The following SYNDIG1 variants were observed in gnomAD, a reference collection of about 807,000 sequenced individuals.
The protein encoded by SYNDIG1 is synapse differentiation-inducing gene protein 1.
In SYNDIG1, 9 loss-of-function variants were observed where a neutral mutation model predicts 19.4. That is an observed-to-expected ratio of 0.46 (90% CI 0.28 to 0.81). SYNDIG1 has a LOEUF of 0.81. SYNDIG1 is among the 30% of genes least tolerant of loss of function. SYNDIG1 has a pLI of 0.12. For missense variants in SYNDIG1, 311 were observed against 343.3 expected (o/e 0.91, Z 0.74); for synonymous variants, 141 against 145.9 (o/e 0.97, Z 0.24).
intron 3 of SYNDIG1, among the ~76,000 whole-genome samples, chr20:24,645,189 G>A (rs1029047955): frequency 6.6e-6 from 1 of 152,218 alleles, no homozygotes; most frequent in Non-Finnish European, 1.5e-5. Flanking sequence ...TCTCCTGGTG[G>A]TGAAGTGAGC....
intron 3 of SYNDIG1, among the ~76,000 whole-genome samples, chr20:24,631,040 G>A (rs922805361): frequency 6.6e-6 from 1 of 152,232 alleles, no homozygotes; most frequent in African/African-American, 2.4e-5. Flanking sequence ...GACACCCTTG[G>A]ATTGCCCACA....
intron 1 of SYNDIG1, among the ~76,000 whole-genome samples, chr20:24,504,719 T>C (rs928800228): frequency 2.6e-5 from 4 of 151,812 alleles, no homozygotes; most frequent in African/African-American, 9.7e-5. Flanking sequence ...ACATAGAGAG[T>C]TGGGAGATGT....
chr20:24,501,211 G>T (rs2056446757), intron 1 of SYNDIG1, among the ~76,000 whole-genome samples: 1 of 152,034 alleles, frequency 6.6e-6, no homozygotes, highest in African/African-American at 2.4e-5. Flanking sequence ...TACATATGTA[G>T]GGTGTGCTTT....
At chr20:24,588,233 G>A (rs376936912) in intron 3 of SYNDIG1, among the ~76,000 whole-genome samples, 2 of 152,200 alleles carry the variant, frequency 1.3e-5, no homozygotes, top group South Asian at 4.1e-4. Flanking sequence ...GCTGCTGGTC[G>A]TGCCCTGCTG....
intron 2 of SYNDIG1, among the ~76,000 whole-genome samples, chr20:24,549,751 T>C (rs547679058): frequency 1.3e-4 from 20 of 152,322 alleles, no homozygotes; most frequent in African/African-American, 4.1e-4. Context: ...TCAGGTCACA[T>C]ACGGGCTTGA....
intron 1 of SYNDIG1, among the ~76,000 whole-genome samples, chr20:24,487,821 A>G (rs949048705): frequency 3.2e-4 from 49 of 152,228 alleles, no homozygotes; most frequent in African/African-American, 1.1e-3. Flanking sequence ...AGGTCCTGGG[A>G]TCTGGATTTG....
intron 1 of SYNDIG1, among the ~76,000 whole-genome samples, chr20:24,541,611 GACAC>G (rs1036185831): frequency 1.3e-5 from 2 of 152,160 alleles, no homozygotes; most frequent in Non-Finnish European, 2.9e-5. Flanking sequence ...ATAAGATGAT[GACAC>G]GGGGAACTCA....
intron 1 of SYNDIG1, among the ~76,000 whole-genome samples, chr20:24,484,089 A>G (rs2055885463): frequency 6.6e-6 from 1 of 152,168 alleles, no homozygotes; most frequent in Non-Finnish European, 1.5e-5. Context: ...CCAGGTGCCC[A>G]CACGAGAAAC....
chr20:24,575,353 G>A (rs1046240854), intron 2 of SYNDIG1, among the ~76,000 whole-genome samples: 1 of 152,212 alleles, frequency 6.6e-6, no homozygotes, highest in Non-Finnish European at 1.5e-5. Context: ...AGCTTCAACC[G>A]TTCTGCCCAT....
At chr20:24,527,718 C>G (rs1005591682) in intron 1 of SYNDIG1, among the ~76,000 whole-genome samples, 1 of 152,086 alleles carries the variant, frequency 6.6e-6, no homozygotes, top group Non-Finnish European at 1.5e-5. Flanking sequence ...TGAATTGGCT[C>G]TATTGCAATC....
At position 24,500,514 on chromosome 20, in the gene SYNDIG1, CTTTCTTTCTTTCT is replaced by C. The variant is rs1568587931; in HGVS notation, c.-79+30764_-79+30776del. ...TCTTTCTTTCTTTCTTTCTTTCTTTCTTTCTTTCTTTCTTTCTTCTTTCTTTCTTTCTTTCTTT... is the reference window on the plus strand; with the variant it reads ...TCTTTCTTTCTTTCTTTCTTTCTTTCTTCTTCTTTCTTTCTTTCTTTCTTT... On this transcript the variant is annotated intron_variant, in intron 1 of 3. Transcript: ENST00000376862. Among the ~76,000 whole-genome samples, 35 of 113,062 alleles carry C rather than the reference CTTTCTTTCTTTCT, an allele frequency of 3.1e-4. No homozygotes were observed. In the South Asian group the frequency reaches 5.3e-3, roughly 17 times the overall value. 74.2% of individuals were successfully genotyped at this position (113,062 alleles called of 152,430 possible).
chr20:24,617,685 C>T (rs1043247274), intron 3 of SYNDIG1, among the ~76,000 whole-genome samples: 3 of 152,008 alleles, frequency 2.0e-5, no homozygotes, highest in Non-Finnish European at 2.9e-5. Flanking sequence ...AAAGAGTAGG[C>T]GAACCCAGGA....
intron 1 of SYNDIG1, among the ~76,000 whole-genome samples, chr20:24,530,650 G>A (rs1278517472): frequency 1.3e-5 from 2 of 152,136 alleles, no homozygotes; most frequent in Non-Finnish European, 2.9e-5. Flanking sequence ...TAGGGTTTGG[G>A]AAAGACCCAG....
intron 2 of SYNDIG1, among the ~76,000 whole-genome samples, chr20:24,567,555 G>T (rs538198420): frequency 1.3e-5 from 2 of 152,206 alleles, no homozygotes; most frequent in African/African-American, 4.8e-5. Flanking sequence ...GCCCAAAGGG[G>T]CTCTGACCTG....
intron 3 of SYNDIG1, among the ~76,000 whole-genome samples, chr20:24,644,162 T>C (rs992931888): frequency 1.3e-5 from 2 of 152,230 alleles, no homozygotes; most frequent in African/African-American, 4.8e-5. Flanking sequence ...AGGTGCATGA[T>C]TATGAGCAAA....
At chr20:24,582,488 A>C (rs1210722362) in intron 2 of SYNDIG1, among the ~76,000 whole-genome samples, 846 of 32,166 alleles carry the variant, frequency 0.026, no homozygotes, top group Middle Eastern at 0.08. Flanking sequence ...GCATGTCCTC[A>C]CCCCTGCACA....
At chr20:24,593,780 T>C (rs966232501) in intron 3 of SYNDIG1, among the ~76,000 whole-genome samples, 1 of 152,186 alleles carries the variant, frequency 6.6e-6, no homozygotes, top group African/African-American at 2.4e-5. Context: ...ATTTCTCTAA[T>C]GATTAGTGAT....
At chr20:24,517,635 TATATATATATACAC>T (rs1157541829) in intron 1 of SYNDIG1, among the ~76,000 whole-genome samples, 3 of 143,950 alleles carry the variant, frequency 2.1e-5, no homozygotes, top group South Asian at 4.3e-4. Flanking sequence ...AAAAAGTATA[TATATATATATACAC>T]ATATATATAT....
intron 1 of SYNDIG1, among the ~76,000 whole-genome samples, chr20:24,519,785 CCT>C (rs145049673): frequency 6.6e-6 from 1 of 151,382 alleles, no homozygotes; most frequent in Non-Finnish European, 1.5e-5. Flanking sequence ...TCTCCTTCTC[CCT>C]CTCTCTCTCT....
Sources: gnomAD v4.1 joint callset for allele counts (sites outside exome capture counted in the v4.1 genomes callset) on GRCh38, gnomAD v4.1.1 for gene constraint, MANE v1.5 for transcripts, NCBI Gene and HGNC (gene_info 2026-07-23, HGNC 2026-07-21) for gene names.